The following DPP6 variants were observed in gnomAD, a reference collection of about 807,000 sequenced individuals.
DPP6 encodes dipeptidyl peptidase like 6.
DPP6 carries 69 observed loss-of-function variants against 122.6 expected under a neutral mutation model. That is an observed-to-expected ratio of 0.56 (90% CI 0.46 to 0.69). The LOEUF (loss-of-function observed/expected upper bound fraction) is 0.69. Among genes scored for constraint, DPP6 ranks in the 30% least tolerant of loss-of-function variants. The pLI is 0.00. For missense variants in DPP6, 928 were observed against 1,116.9 expected, an observed-to-expected ratio of 0.83 and a Z score of 2.41; for synonymous variants, 418 against 433.1, an observed-to-expected ratio of 0.97 and a Z score of 0.43.
chr7:154,772,508 C>T (rs1164623332), intron 9 of DPP6, among the ~76,000 whole-genome samples: 3 of 152,176 alleles, frequency 2.0e-5, no homozygotes, highest in Non-Finnish European at 4.4e-5. Flanking sequence ...CTCTCCCCTT[C>T]CTGGCATCCA....
intron 1 of DPP6, among the ~76,000 whole-genome samples, chr7:154,228,332 C>G (rs887140811): frequency 1.3e-5 from 2 of 152,204 alleles, no homozygotes; most frequent in Admixed American, 6.5e-5. Flanking sequence ...CTTGGCTCAT[C>G]AAACCATCTC....
intron 4 of DPP6, among the ~76,000 whole-genome samples, chr7:154,541,157 T>A (rs1353653533): frequency 6.6e-6 from 1 of 152,222 alleles, no homozygotes; most frequent in African/African-American, 2.4e-5. Context: ...TGAGACAGGA[T>A]CTCACTCTGT....
intron 5 of DPP6, among the ~76,000 whole-genome samples, chr7:154,575,322 G>T (rs1284049734): frequency 1.2e-5 from 1 of 84,618 alleles, no homozygotes; most frequent in Admixed American, 1.2e-4. Context: ...TGTGGTGTGT[G>T]TATGTGTGTG....
At chr7:154,299,596 A>G (rs573330246) in intron 1 of DPP6, among the ~76,000 whole-genome samples, 88 of 152,250 alleles carry the variant, frequency 5.8e-4, no homozygotes, top group African/African-American at 2.1e-3. Flanking sequence ...GCTGCCCCAC[A>G]TTCATTTTTA....
upstream of DPP6, among the ~76,000 whole-genome samples, chr7:154,050,150 A>G (rs1800226362): frequency 2.6e-5 from 4 of 151,768 alleles, no homozygotes; most frequent in South Asian, 8.3e-4. Context: ...TTTTACTTCA[A>G]CTCTTTCCCC....
chr7:154,562,320 G>T (rs1830475088), intron 4 of DPP6, among the ~76,000 whole-genome samples: 1 of 152,080 alleles, frequency 6.6e-6, no homozygotes, highest in African/African-American at 2.4e-5. Context: ...TTACCATATT[G>T]ACAGATTAAG....
intron 1 of DPP6, among the ~76,000 whole-genome samples, chr7:154,251,020 C>G (rs1802317556): frequency 6.6e-6 from 1 of 152,224 alleles, no homozygotes; most frequent in Non-Finnish European, 1.5e-5. Flanking sequence ...CCTGTCTGAG[C>G]CTCAGTTTCT....
At chr7:154,437,979 C>G (rs1819009144) in intron 1 of DPP6, among the ~76,000 whole-genome samples, 1 of 132,200 alleles carries the variant, frequency 7.6e-6, no homozygotes, top group Non-Finnish European at 1.7e-5. Context: ...AAATTGTAAA[C>G]CAAGAGTGTT....
At chr7:154,419,087 C>T (rs1817249729) in intron 1 of DPP6, among the ~76,000 whole-genome samples, 1 of 152,188 alleles carries the variant, frequency 6.6e-6, no homozygotes, top group Non-Finnish European at 1.5e-5. Flanking sequence ...AATTAATGTT[C>T]CAGGAATTAA....
intron 7 of DPP6, among the ~76,000 whole-genome samples, chr7:154,705,374 T>C (rs1563123392): frequency 6.6e-6 from 1 of 152,216 alleles, no homozygotes; most frequent in Non-Finnish European, 1.5e-5. Flanking sequence ...TTCCCTTTTC[T>C]GTAGTCTCTC....
upstream of DPP6, among the ~76,000 whole-genome samples, chr7:153,886,899 G>C (rs1360793110): frequency 6.6e-6 from 1 of 152,112 alleles, no homozygotes; most frequent in Non-Finnish European, 1.5e-5. Flanking sequence ...ACCCGGCTGC[G>C]GACGGCGGCT....
At chr7:154,130,765 A>G (rs1795231051) in intron 1 of DPP6, among the ~76,000 whole-genome samples, 1 of 152,010 alleles carries the variant, frequency 6.6e-6, no homozygotes, top group East Asian at 1.9e-4. Flanking sequence ...CTCCTGTCCC[A>G]AGAGCCTGCA....
intron 1 of DPP6, among the ~76,000 whole-genome samples, chr7:154,343,478 A>C (rs1810104472): frequency 6.6e-6 from 1 of 152,242 alleles, no homozygotes; most frequent in Non-Finnish European, 1.5e-5. Flanking sequence ...GTCCAAAATC[A>C]CACCCGTGCA....
chr7:154,443,261 G>A (rs985027046), intron 1 of DPP6, among the ~76,000 whole-genome samples: 2 of 152,022 alleles, frequency 1.3e-5, no homozygotes, highest in Non-Finnish European at 2.9e-5. Context: ...AGCTCCCAGA[G>A]CTCCATTGTC....
At chr7:153,872,508 G>A in the DPP6 span, among the ~76,000 whole-genome samples, 9 of 152,132 alleles carry the variant, frequency 5.9e-5, no homozygotes, top group South Asian at 4.1e-4. Flanking sequence ...TCTCATTGAT[G>A]TAGCAGTTTT....
intron 1 of DPP6, among the ~76,000 whole-genome samples, chr7:154,105,660 G>A (rs1806104516): frequency 6.6e-6 from 1 of 152,136 alleles, no homozygotes; most frequent in Admixed American, 6.5e-5. Context: ...TTCCTGTGCT[G>A]TTCTCATGAG....
chr7:154,046,919 A>G (rs1386710234), intron 1 of DPP6, among the ~76,000 whole-genome samples: 1 of 151,596 alleles, frequency 6.6e-6, no homozygotes, highest in Admixed American at 6.6e-5. Context: ...CAAGTTTTCC[A>G]CTCTCTGTAA....
At chr7:154,835,461 C>T (rs1800974996) in intron 16 of DPP6, among the ~76,000 whole-genome samples, 1 of 152,190 alleles carries the variant, frequency 6.6e-6, no homozygotes, top group South Asian at 2.1e-4. Context: ...GAAACTGATC[C>T]AGTCCCCAGG....
intron 7 of DPP6, among the ~76,000 whole-genome samples, chr7:154,717,948 CG>C (rs1205741919): frequency 2.0e-5 from 3 of 152,166 alleles, no homozygotes; most frequent in African/African-American, 7.2e-5. Context: ...GCCATTCTAA[CG>C]GGGGTGAGAT....
Sources: allele counts gnomAD v4.1 joint callset (sites outside exome capture counted in the v4.1 genomes callset), GRCh38; gene constraint gnomAD v4.1.1; transcripts MANE v1.5; gene names NCBI Gene and HGNC (gene_info 2026-07-23, HGNC 2026-07-21).